BTBD9: variants seen among roughly 807,000 people sequenced by gnomAD.
BTBD9 encodes BTB domain containing 9, also known as BTB/POZ domain-containing protein 9.
In BTBD9, 49 loss-of-function variants were observed where a neutral mutation model predicts 64.3. The ratio of observed to expected loss-of-function variants is 0.76; its 90% CI spans 0.61 to 0.97. BTBD9 has a LOEUF of 0.97. Ranked by LOEUF, BTBD9 falls within the 50% of genes least tolerant of loss-of-function variation. The pLI, the probability that BTBD9 is intolerant of heterozygous loss-of-function variation, is 0.00. For missense variants in BTBD9, 598 were observed against 762.1 expected, an observed-to-expected ratio of 0.78 and a Z score of 2.53; for synonymous variants, 260 against 274.7, an observed-to-expected ratio of 0.95 and a Z score of 0.53.
intron 9 of BTBD9, among the ~76,000 whole-genome samples, chr6:38,218,425 C>T (rs1441405285): frequency 6.6e-6 from 1 of 152,184 alleles, no homozygotes; most frequent in East Asian, 1.9e-4. Flanking sequence ...GTTTTCTGAA[C>T]CTGCTACCAC....
At chr6:38,571,376 T>A (rs1406522635) in intron 6 of BTBD9, among the ~76,000 whole-genome samples, 1 of 152,220 alleles carries the variant, frequency 6.6e-6, no homozygotes, top group Non-Finnish European at 1.5e-5. Context: ...GAAAGAATGC[T>A]TCCATAAATA....
At chr6:38,620,928 C>A (rs1167316637) in intron 1 of BTBD9, among the ~76,000 whole-genome samples, 1 of 152,126 alleles carries the variant, frequency 6.6e-6, no homozygotes, top group Admixed American at 6.6e-5. Flanking sequence ...TTAAAGCAGG[C>A]CCTAGTACAA....
At position 38,598,137 on chromosome 6, in the gene BTBD9, G is replaced by A. The variant is rs1238400013; in HGVS notation, c.-27-16C>T. On this transcript the variant is annotated splice_polypyrimidine_tract_variant and intron_variant, in intron 1 of 10. Coordinates refer to ENST00000481247, the MANE Select transcript of BTBD9 (RefSeq NM_001099272.2). ...AGTCGTTGTTCTATCATATAAAGAA[G>A]GAATGAGAGTTAGTTGGGGGAGGGG... 5 of 1,572,028 alleles carry A rather than the reference G, an allele frequency of 3.2e-6. No individual in the cohort carries two copies. The highest frequency in any genetic ancestry group is 3.5e-6 in the Non-Finnish European group (4 of 1,152,132).
rs11423572 is a variant in BTBD9, at chr6:38,386,630, CTT to C, written c.1155-41539_1155-41538del. 5.4e-3 allele frequency among the ~76,000 whole-genome samples: 505 copies of C among 92,756 alleles called. 5 individuals are homozygous for C. The highest frequency in any genetic ancestry group is 0.023 in the South Asian group (56 of 2,410). 60.9% of individuals were successfully genotyped at this position (92,756 alleles called of 152,430 possible). A position where few individuals can be genotyped will look rare whatever the true frequency, so the allele number is the denominator to read the frequency against. On this transcript the variant is annotated intron_variant, in intron 6 of 10. Coordinates refer to ENST00000481247, the MANE Select transcript of BTBD9 (RefSeq NM_001099272.2). ...TTTGGGATACATTTTCCAGTTTACT[CTT>C]TTTTTTTTTTTTTTTTTTTTGGAGT...
chr6:38,365,212 G>A (rs1276556197), intron 6 of BTBD9, among the ~76,000 whole-genome samples: 1 of 152,126 alleles, frequency 6.6e-6, no homozygotes, highest in Non-Finnish European at 1.5e-5. Flanking sequence ...CTTAACTTAT[G>A]AGGTAGGCAT....
intron 6 of BTBD9, among the ~76,000 whole-genome samples, chr6:38,542,751 A>C (rs1347758398): frequency 6.6e-6 from 1 of 152,190 alleles, no homozygotes; most frequent in Admixed American, 6.5e-5. Flanking sequence ...GGGACTCAGG[A>C]GAGGCTACAC....
At chr6:38,607,769 C>CA (rs5875633) in intron 1 of BTBD9, among the ~76,000 whole-genome samples, 92,705 of 144,422 alleles carry the variant, frequency 0.64, 30,510 homozygotes, top group African/African-American at 0.85. Context: ...ACTCCCAAGG[C>CA]AAAAAAAAAA....
At chr6:38,525,856 G>A (rs1262142627) in intron 6 of BTBD9, among the ~76,000 whole-genome samples, 1 of 152,156 alleles carries the variant, frequency 6.6e-6, no homozygotes, top group Non-Finnish European at 1.5e-5. Context: ...ATGCTCATAT[G>A]TGTGAACAAA....
At chr6:38,392,135 AGAG>A (rs1456734736) in intron 6 of BTBD9, among the ~76,000 whole-genome samples, 1 of 152,188 alleles carries the variant, frequency 6.6e-6, no homozygotes, top group Non-Finnish European at 1.5e-5. Context: ...AAGTCTTCCA[AGAG>A]GAGAGTCCTC....
intron 6 of BTBD9, among the ~76,000 whole-genome samples, chr6:38,515,906 G>C (rs1196857888): frequency 6.6e-6 from 1 of 152,194 alleles, no homozygotes; most frequent in Non-Finnish European, 1.5e-5. Context: ...CAGTTTCAAA[G>C]ATAATTGGTA....
intron 6 of BTBD9, among the ~76,000 whole-genome samples, chr6:38,512,670 G>A (rs186593968): frequency 2.6e-5 from 4 of 152,232 alleles, no homozygotes; most frequent in Non-Finnish European, 5.9e-5. Flanking sequence ...TTCTTTTAGA[G>A]GCAGCCATCA....
At chr6:38,271,980 A>AG (rs915894161) in intron 8 of BTBD9, among the ~76,000 whole-genome samples, 5 of 45,496 alleles carry the variant, frequency 1.1e-4, no homozygotes, top group Admixed American at 5.5e-4. Context: ...ATGTGGGGGG[A>AG]GGGGGGGAAG....
intron 6 of BTBD9, among the ~76,000 whole-genome samples, chr6:38,575,824 G>A (rs1355607643): frequency 6.6e-6 from 1 of 151,712 alleles, no homozygotes; most frequent in Non-Finnish European, 1.5e-5. Flanking sequence ...GCTATACCAA[G>A]ACAAAAACTG....
At chr6:38,298,577 C>T (rs1762252115) in intron 7 of BTBD9, among the ~76,000 whole-genome samples, 1 of 152,162 alleles carries the variant, frequency 6.6e-6, no homozygotes, top group South Asian at 2.1e-4. Context: ...CCCTACTCTA[C>T]CAACAAACAT....
intron 6 of BTBD9, among the ~76,000 whole-genome samples, chr6:38,423,298 T>G (rs1767990599): frequency 6.6e-6 from 1 of 151,888 alleles, no homozygotes; most frequent in South Asian, 2.1e-4. Context: ...AACCTTATTA[T>G]TATTATTATT....
At chr6:38,335,486 C>G (rs1186959846) in intron 7 of BTBD9, among the ~76,000 whole-genome samples, 2 of 152,040 alleles carry the variant, frequency 1.3e-5, no homozygotes, top group Admixed American at 6.6e-5. Flanking sequence ...CTCCTGACCT[C>G]AAGCAATCCG....
At chr6:38,542,825 T>C (rs1774349394) in intron 6 of BTBD9, among the ~76,000 whole-genome samples, 1 of 152,192 alleles carries the variant, frequency 6.6e-6, no homozygotes, top group Admixed American at 6.5e-5. Context: ...AAAGTTGCTA[T>C]TATCAATGCA....
intron 9 of BTBD9, among the ~76,000 whole-genome samples, chr6:38,213,048 G>C (rs1359373526): frequency 6.7e-6 from 1 of 149,604 alleles, no homozygotes; most frequent in East Asian, 1.9e-4. Context: ...GGCTGCTTTT[G>C]TGGAAATTAA....
At chr6:38,394,666 G>GA (rs869249005) in intron 6 of BTBD9, among the ~76,000 whole-genome samples, 19 of 123,998 alleles carry the variant, frequency 1.5e-4, no homozygotes, top group Non-Finnish European at 2.1e-4. Context: ...GTCTAGGGGG[G>GA]AAAAAAAAAA....
Sources: gnomAD v4.1 joint callset for allele counts (sites outside exome capture counted in the v4.1 genomes callset) on GRCh38, gnomAD v4.1.1 for gene constraint, MANE v1.5 for transcripts, NCBI Gene and HGNC (gene_info 2026-07-23, HGNC 2026-07-21) for gene names.